Variants in P2RY2 observed in about 807,000 individuals in gnomAD.
The protein encoded by P2RY2 is P2Y purinoceptor 2.
For synonymous variants in P2RY2, 241 were observed against 231.9 expected, an observed-to-expected ratio of 1.04 and a Z score of -0.35; for missense variants, 567 against 515.7, an observed-to-expected ratio of 1.10 and a Z score of -0.96.
At chr11:73,223,607 G>A (rs1235961621) in intron 1 of P2RY2, among the ~76,000 whole-genome samples, 1 of 152,212 alleles carries the variant, frequency 6.6e-6, no homozygotes, top group Non-Finnish European at 1.5e-5. Flanking sequence ...CTGAGAAGGG[G>A]GGCTGACTTC....
Position 73,235,386 on chromosome 11 carries a change from A to G in P2RY2, c.*93A>G, listed in dbSNP as rs1224743051. 2 of 1,493,044 alleles carry G rather than the reference A, an allele frequency of 1.3e-6. No homozygotes were observed. The highest frequency in any genetic ancestry group is 1.8e-6 in the Non-Finnish European group (2 of 1,121,554). The allele number at this position is 1,493,044 out of a possible 1,614,324, so 92.5% of individuals were successfully genotyped here. On this transcript the variant is annotated 3_prime_UTR_variant, in exon 3 of 3. Transcript: ENST00000393597. ...GCCACAGTCTCCCCAGATATGGACC[A>G]TCAGTGACTCATGCTGGATGACCCC...
chr11:73,230,631 T>G (rs1438375734), intron 2 of P2RY2, among the ~76,000 whole-genome samples: 1 of 152,190 alleles, frequency 6.6e-6, no homozygotes, highest in South Asian at 2.1e-4. Flanking sequence ...TTCTCTGCAC[T>G]GAGGGATAAA....
rs1277567680 is a variant in P2RY2 at position 73,240,641 on chromosome 11, C to T, written c.*5348C>T. On this transcript the variant is annotated 3_prime_UTR_variant, in exon 3 of 3. Transcript: ENST00000393597. ...CAGTCACACAGCAGTCAGTGTGAAG[C>T]TTAGGTGTAAGCCCAGGGCTCTTTG... The T allele has an allele frequency of 6.6e-6, 1 of 152,264 alleles. No individual in the cohort carries two copies. The highest frequency in any genetic ancestry group is 1.5e-5 in the Non-Finnish European group (1 of 68,090). 9.4% of individuals were successfully genotyped at this position (152,264 alleles called of 1,614,324 possible). A position where few individuals can be genotyped will look rare whatever the true frequency, so the allele number is the denominator to read the frequency against.
At chr11:73,233,491 C>G (rs1036507906) in intron 2 of P2RY2, among the ~76,000 whole-genome samples, 2 of 152,224 alleles carry the variant, frequency 1.3e-5, no homozygotes, top group Non-Finnish European at 2.9e-5. Flanking sequence ...GGCCAGCCAG[C>G]CTCAAAGGCC....
intron 2 of P2RY2, among the ~76,000 whole-genome samples, chr11:73,230,198 C>A (rs1862409344): frequency 6.6e-6 from 1 of 152,036 alleles, no homozygotes; most frequent in Admixed American, 6.5e-5. Flanking sequence ...ACCTGAGGGA[C>A]CCAGCCTGTG....
At position 73,235,526 on chromosome 11, in the gene P2RY2, A is replaced by T. The variant is rs1175008349; in HGVS notation, c.*233A>T. The T allele has an allele frequency of 7.9e-7, 1 of 1,264,480 alleles. No homozygotes were observed. The highest frequency in any genetic ancestry group is 1.5e-5 in the African/African-American group (1 of 64,984). The allele number at this position is 1,264,480 out of a possible 1,614,324, so 78.3% of individuals were successfully genotyped here. ...TAAGTTGGGGGAATTAAGTTTCAAG[A>T]AAGGCAAGAGCTCAAGGTCAATGAC... On this transcript the variant is annotated 3_prime_UTR_variant, in exon 3 of 3. Coordinates refer to ENST00000393597, the MANE Select transcript of P2RY2 (RefSeq NM_002564.4).
Position 73,236,688 on chromosome 11 carries a change from T to C in P2RY2, c.*1395T>C. On this transcript the variant is annotated 3_prime_UTR_variant, in exon 3 of 3. Transcript: ENST00000393597. ...CCTTGCCCTGACCCTGAGGCTTCCT[T>C]TGCACTGGGGGTAAATATGAAAGAG... 2 of 985,312 alleles carry C rather than the reference T, an allele frequency of 2.0e-6. No individual in the cohort carries two copies. 61.0% of individuals were successfully genotyped at this position (985,312 alleles called of 1,614,324 possible). A position where few individuals can be genotyped will look rare whatever the true frequency, so the allele number is the denominator to read the frequency against.
chr11:73,227,648 G>C (rs1333346705), intron 1 of P2RY2, among the ~76,000 whole-genome samples: 1 of 152,144 alleles, frequency 6.6e-6, no homozygotes, highest in Admixed American at 6.5e-5. Flanking sequence ...CCTGCTATGG[G>C]GCCAAAGCAC....
intron 2 of P2RY2, among the ~76,000 whole-genome samples, chr11:73,228,944 C>T (rs1439921436): frequency 6.6e-6 from 1 of 152,136 alleles, no homozygotes; most frequent in Non-Finnish European, 1.5e-5. Context: ...CTGCAGAGGG[C>T]TTGTGCCTGT....
At chr11:73,232,981 C>T (rs542087180) in intron 2 of P2RY2, among the ~76,000 whole-genome samples, 1 of 152,276 alleles carries the variant, frequency 6.6e-6, no homozygotes, top group South Asian at 2.1e-4. Context: ...GGACAAGCTG[C>T]TCCCTGGGCA....
chr11:73,234,683 G>A lies in P2RY2; in HGVS notation c.524G>A (p.Ser175Asn). 1 of 1,600,078 alleles carries A rather than the reference G, an allele frequency of 6.2e-7. No homozygotes were observed. The highest frequency in any genetic ancestry group is 8.5e-7 in the Non-Finnish European group (1 of 1,174,150). ...QAPVLYFVTT[S>N]ARGGRVTCHD... Reference sequence around the variant, plus strand: ...CCCGTGCTCTACTTTGTCACCACCAGCGCGCGCGGGGGCCGCGTAACCTGC... The same window carrying A: ...CCCGTGCTCTACTTTGTCACCACCAACGCGCGCGGGGGCCGCGTAACCTGC... Residue 175 changes from serine to asparagine, a missense_variant, in exon 3 of 3, where the codon AGC (serine) becomes AAC (asparagine). Coordinates refer to ENST00000393597, the MANE Select transcript of P2RY2 (RefSeq NM_002564.4).
chr11:73,228,183 GGGT>G lies in P2RY2; in HGVS notation c.-5+11_-5+13del, dbSNP rs1235948658. The G allele has an allele frequency of 1.1e-4, 14 of 123,208 alleles. No individual in the cohort carries two copies. Among genetic ancestry groups the G allele is most frequent in the African/African-American group, 4.2e-4 (13 of 30,596 alleles). The allele number at this position is 123,208 out of a possible 1,614,324, so 7.6% of individuals were successfully genotyped here. A position where few individuals can be genotyped will look rare whatever the true frequency, so the allele number is the denominator to read the frequency against. ...AGAGCAGGGGCTGGTCAGGTACGTG[GGGT>G]GGGGGTGGGGGGGAGCGGGTACGCT... On this transcript the variant is annotated intron_variant, in intron 2 of 2. Transcript: ENST00000393597.
chr11:73,223,155 G>A (rs1050191586), intron 1 of P2RY2, among the ~76,000 whole-genome samples: 4 of 152,190 alleles, frequency 2.6e-5, no homozygotes, highest in Admixed American at 2.6e-4. Flanking sequence ...ATTAGACTGC[G>A]AGAACCAGGG....
At chr11:73,229,720 A>T (rs1422843190) in intron 2 of P2RY2, among the ~76,000 whole-genome samples, 1 of 152,166 alleles carries the variant, frequency 6.6e-6, no homozygotes, top group Non-Finnish European at 1.5e-5. Flanking sequence ...TCCACCCCTC[A>T]TCTCAGTGTC....
chr11:73,226,423 C>T (rs1862279332), intron 1 of P2RY2, among the ~76,000 whole-genome samples: 1 of 152,078 alleles, frequency 6.6e-6, no homozygotes, highest in Admixed American at 6.5e-5. Flanking sequence ...GAGCTACCAG[C>T]CCACCGGCCT....
chr11:73,220,833 A>C (rs1862097250), intron 1 of P2RY2, among the ~76,000 whole-genome samples: 1 of 152,134 alleles, frequency 6.6e-6, no homozygotes, highest in Non-Finnish European at 1.5e-5. Flanking sequence ...CCCTGGATGC[A>C]TGGGGCTCTA....
In P2RY2 at chr11:73,236,623, G is replaced by T. The variant is rs1294053820; in HGVS notation, c.*1330G>T. Reference sequence around the variant, plus strand: ...CAGCTGACTCCAGGCTCAAGGCAGGGTTGGGGCTGGGTCACAAGGAGGCCA... The same window carrying T: ...CAGCTGACTCCAGGCTCAAGGCAGGTTTGGGGCTGGGTCACAAGGAGGCCA... On this transcript the variant is annotated 3_prime_UTR_variant, in exon 3 of 3. Coordinates refer to ENST00000393597, the MANE Select transcript of P2RY2 (RefSeq NM_002564.4). The T allele has an allele frequency of 1.0e-6, 1 of 985,412 alleles. No homozygotes were observed. The highest frequency in any genetic ancestry group is 1.2e-6 in the Non-Finnish European group (1 of 829,918). The allele number at this position is 985,412 out of a possible 1,614,324, so 61.0% of individuals were successfully genotyped here. A position where few individuals can be genotyped will look rare whatever the true frequency, so the allele number is the denominator to read the frequency against.
Position 73,234,278 on chromosome 11 carries a change from A to G in P2RY2, c.119A>G (p.Tyr40Cys), listed in dbSNP as rs766285039. 1 of 1,614,050 alleles carries G rather than the reference A, an allele frequency of 6.2e-7. No individual in the cohort carries two copies. The highest frequency in any genetic ancestry group is 1.7e-5 in the Admixed American group (1 of 60,002). ...AAGTACGTGCTGCTGCCTGTGTCCT[A>G]CGGCGTGGTGTGCGTGCCTGGGCTG... ...DFKYVLLPVS[Y>C]GVVCVPGLCL... The change falls in exon 3 of 3, where the codon TAC (tyrosine) becomes TGC (cysteine). Residue 40 changes from tyrosine to cysteine, a missense_variant. Transcript: ENST00000393597.
In P2RY2 at chr11:73,236,110, A is replaced by G; in HGVS notation, c.*817A>G. 1 of 999,632 alleles carries G rather than the reference A, an allele frequency of 1.0e-6. No homozygotes were observed. The highest frequency in any genetic ancestry group is 1.2e-6 in the Non-Finnish European group (1 of 829,436). The allele number at this position is 999,632 out of a possible 1,614,324, so 61.9% of individuals were successfully genotyped here. ...CAGGCCCCAGGTCATCCCCCACTGT[A>G]AAGCCAGTTGGCTTCTGTGCCTGAC... On this transcript the variant is annotated 3_prime_UTR_variant, in exon 3 of 3. Transcript: ENST00000393597.
Sources: allele counts gnomAD v4.1 joint callset (sites outside exome capture counted in the v4.1 genomes callset), GRCh38; gene constraint gnomAD v4.1.1; transcripts MANE v1.5; gene names NCBI Gene and HGNC (gene_info 2026-07-23, HGNC 2026-07-21).